The following SLC2A14 variants were observed in gnomAD, a reference collection of about 807,000 sequenced individuals.
SLC2A14 encodes the protein solute carrier family 2, facilitated glucose transporter member 14.
Under a neutral mutation model 43.0 loss-of-function variants are expected in SLC2A14, and 13 were observed. That is an observed-to-expected ratio of 0.30 (90% CI 0.20 to 0.48). The LOEUF is 0.48. Ranked by LOEUF, SLC2A14 falls within the 20% of genes least tolerant of loss-of-function variation. The probability of loss-of-function intolerance (pLI) is 0.99; values close to 1 mark genes in which losing one functional copy is unlikely to be tolerated. For synonymous variants in SLC2A14, 190 were observed against 233.8 expected (o/e 0.81, Z 1.71); for missense variants, 428 against 620.4 (o/e 0.69, Z 3.29).
intron 9 of SLC2A14, 94 bp from the exon 10 acceptor site, chr12:7,818,128 C>T (rs1251829388): frequency 7.3e-6 from 8 of 1,090,004 alleles, no homozygotes; most frequent in Non-Finnish European, 9.2e-6. Flanking sequence ...CTCCTCCTGT[C>T]CTGACGTACA....
chr12:7,880,118 A>G (rs947634295), intron 1 of SLC2A14, among the ~76,000 whole-genome samples: 1 of 151,762 alleles, frequency 6.6e-6, no homozygotes, highest in African/African-American at 2.4e-5. Flanking sequence ...CCTGACCAAC[A>G]TGGAGAAACC....
upstream of SLC2A14, chr12:7,873,528 C>T (rs150654738): frequency 0.011 from 2,201 of 197,840 alleles, 26 homozygotes; most frequent in South Asian, 0.017. Context: ...ATAGTCCCAA[C>T]TGCTTGGGAG....
chr12:7,866,747 G>A (rs1944934813), intron 2 of SLC2A14, among the ~76,000 whole-genome samples: 1 of 152,164 alleles, frequency 6.6e-6, no homozygotes, highest in African/African-American at 2.4e-5. Context: ...GTTGGTTCAT[G>A]AGGTTTAAGG....
intron 2 of SLC2A14, among the ~76,000 whole-genome samples, chr12:7,862,845 A>T (rs1944660662): frequency 6.6e-6 from 1 of 152,012 alleles, no homozygotes; most frequent in South Asian, 2.1e-4. Flanking sequence ...TGTGTGTGGA[A>T]ACTCTGTATC....
At position 7,879,327 on chromosome 12, in the gene SLC2A14, C is replaced by A. The variant is rs146732578; in HGVS notation, c.132+11669G>T. Among the ~76,000 whole-genome samples the A allele has an allele frequency of 1.2e-3, 125 of 100,328 alleles. 1 individual carries two copies. Among genetic ancestry groups the A allele is most frequent in the Admixed American group, 2.5e-3 (19 of 7,608 alleles). The allele number at this position is 100,328 out of a possible 152,430, so 65.8% of individuals were successfully genotyped here. A position where few individuals can be genotyped will look rare whatever the true frequency, so the allele number is the denominator to read the frequency against. On this transcript the variant is annotated intron_variant, in intron 1 of 9. Transcript: ENST00000539924. ...CAACTCTGCAAAAAAAAACAAACAA[C>A]AACAAAAAAAAACAAAAGTTGCACC... is the stretch of plus-strand genomic sequence containing the variant.
rs558502626 is a variant in SLC2A14, at chr12:7,878,688, T to C, written c.132+12308A>G. On this transcript the variant is annotated intron_variant, in intron 1 of 9. Transcript: ENST00000539924. Reference sequence around the variant, plus strand: ...CTCAAGTAAAATGAATGTATTAATATGGAAATTGAGCCAGGTGGGGTGGCT... The same window carrying C: ...CTCAAGTAAAATGAATGTATTAATACGGAAATTGAGCCAGGTGGGGTGGCT... Among the ~76,000 whole-genome samples the C allele has an allele frequency of 3.3e-5, 5 of 152,000 alleles. No individual in the cohort carries two copies. In the South Asian group the frequency reaches 1.0e-3, roughly 32 times the overall value.
chr12:7,828,660 C>G (rs773397622), intron 6 of SLC2A14, 44 bp downstream of exon 6: 3 of 1,603,018 alleles, frequency 1.9e-6, no homozygotes, highest in Non-Finnish European at 2.6e-6. Flanking sequence ...TTAAAACAAA[C>G]CACAACCATA....
rs1268746438 is a variant in SLC2A14 at position 7,816,265 on chromosome 12, C to T, written c.1275+1566G>A. On this transcript the variant is annotated intron_variant, in intron 10 of 10. Transcript: ENST00000431042. Reference sequence around the variant, plus strand: ...GACTACAGGCGCCCGCCACCGCTCCCGGCTAATTTTTTGTATTTTTAGTAG... The same window carrying T: ...GACTACAGGCGCCCGCCACCGCTCCTGGCTAATTTTTTGTATTTTTAGTAG... Among the ~76,000 whole-genome samples the T allele has an allele frequency of 7.7e-5, 8 of 104,298 alleles. 1 individual carries two copies. Among genetic ancestry groups the T allele is most frequent in the Non-Finnish European group, 1.5e-4 (8 of 52,092 alleles). The allele number at this position is 104,298 out of a possible 152,430, so 68.4% of individuals were successfully genotyped here.
chr12:7,839,345 C>T (rs563355770), intron 2 of SLC2A14, among the ~76,000 whole-genome samples: 53 of 150,228 alleles, frequency 3.5e-4, no homozygotes, highest in Non-Finnish European at 6.9e-4. Context: ...GCATTTCAAA[C>T]GCAGACACCA....
chr12:7,824,370 G>C (rs1181110088), intron 7 of SLC2A14, among the ~76,000 whole-genome samples: 2 of 152,090 alleles, frequency 1.3e-5, no homozygotes, highest in African/African-American at 4.8e-5. Flanking sequence ...GCAATAAATA[G>C]TTATCACAAT....
chr12:7,817,015 A>C (rs1250623756), intron 10 of SLC2A14, among the ~76,000 whole-genome samples: 1 of 152,114 alleles, frequency 6.6e-6, no homozygotes, highest in South Asian at 2.1e-4. Context: ...GGTGCAATTT[A>C]AAACTTATGA....
upstream of SLC2A14, among the ~76,000 whole-genome samples, chr12:7,874,738 A>AACATAT (rs1565584360): frequency 1.3e-3 from 5 of 3,764 alleles, no homozygotes; most frequent in Non-Finnish European, 5.2e-3. Context: ...AAAATATATA[A>AACATAT]AAATATATAT....
At chr12:7,816,399 C>T (rs1235177913) in intron 10 of SLC2A14, among the ~76,000 whole-genome samples, 1 of 45,568 alleles carries the variant, frequency 2.2e-5, no homozygotes, top group East Asian at 6.6e-4. Flanking sequence ...CCACCGCGCC[C>T]GGCCATTTCT....
At chr12:7,889,865 A>G (rs1945746927) in intron 1 of SLC2A14, among the ~76,000 whole-genome samples, 1 of 152,084 alleles carries the variant, frequency 6.6e-6, no homozygotes, top group Non-Finnish European at 1.5e-5. Flanking sequence ...ACTTGATGAT[A>G]TGCTAAACAA....
At chr12:7,854,892 C>A (rs935301014) in intron 2 of SLC2A14, among the ~76,000 whole-genome samples, 4 of 151,988 alleles carry the variant, frequency 2.6e-5, no homozygotes, top group Non-Finnish European at 5.9e-5. Flanking sequence ...CTCAATGCAA[C>A]CTCCGCCTCC....
Position 7,867,301 on chromosome 12 carries a change from CA to C in SLC2A14, c.18+2561del, listed in dbSNP as rs796339024. 8.7e-5 allele frequency among the ~76,000 whole-genome samples: 3 copies of C among 34,290 alleles called. 1 individual carries two copies. The highest frequency in any genetic ancestry group is 3.1e-4 in the African/African-American group (3 of 9,822). 22.5% of individuals were successfully genotyped at this position (34,290 alleles called of 152,430 possible). A position where few individuals can be genotyped will look rare whatever the true frequency, so the allele number is the denominator to read the frequency against. On this transcript the variant is annotated intron_variant, in intron 2 of 10. Transcript: ENST00000431042. ...GTCTCAAAAAAAAAAAAAAAAAAAA[CA>C]AAAAAAACATTCGTGATTCATGGGA...
chr12:7,870,539 T>C (rs888627632), intron 1 of SLC2A14, among the ~76,000 whole-genome samples: 2 of 152,068 alleles, frequency 1.3e-5, no homozygotes, highest in African/African-American at 4.8e-5. Context: ...GTTGAACACC[T>C]GTGTTATTTC....
Position 7,819,321 on chromosome 12 carries a change from C to T in SLC2A14, c.1071+161G>A, listed in dbSNP as rs146027494. Among the ~76,000 whole-genome samples the T allele has an allele frequency of 3.9e-3, 599 of 152,282 alleles. 5 individuals are homozygous for T. The highest frequency in any genetic ancestry group is 0.013 in the African/African-American group (556 of 41,550). The stretch of plus-strand genomic sequence containing the variant: ...AGATTCTAACAGTTTACCTCCAGTT[C>T]TCTGATGACCCATGTTTCTTAAAAA... On this transcript the variant is annotated intron_variant, in intron 9 of 10. Transcript: ENST00000431042.
intron 2 of SLC2A14, among the ~76,000 whole-genome samples, chr12:7,834,473 G>C (rs1865277172): frequency 6.7e-6 from 1 of 150,178 alleles, no homozygotes; most frequent in Non-Finnish European, 1.5e-5. Context: ...AGGATCACTT[G>C]AGCCTAGCAG....
Sources: allele counts gnomAD v4.1 joint callset (sites outside exome capture counted in the v4.1 genomes callset), GRCh38; gene constraint gnomAD v4.1.1; transcripts MANE v1.5; gene names NCBI Gene and HGNC (gene_info 2026-07-23, HGNC 2026-07-21).